The following CANX variants were observed in gnomAD, a reference collection of about 807,000 sequenced individuals.
The protein encoded by CANX is calnexin, also known as epididymis secretory sperm binding protein.
CANX carries 14 observed loss-of-function variants against 75.7 expected under a neutral mutation model. That is an observed-to-expected ratio of 0.19 (90% confidence interval 0.12 to 0.29). CANX has a LOEUF of 0.29. Ranked by LOEUF, CANX falls within the 10% of genes least tolerant of loss-of-function variation. The pLI, the probability that CANX is intolerant of heterozygous loss-of-function variation, is 1.00. For missense variants in CANX, 567 were observed against 713.2 expected (o/e 0.79, Z 2.34); for synonymous variants, 227 against 236.9 (o/e 0.96, Z 0.38).
chr5:179,698,895 C>T, upstream of CANX: 2 of 1,153,612 alleles, frequency 1.7e-6, no homozygotes, highest in South Asian at 1.6e-5. Context: ...GACTTGGCGC[C>T]GGCTGTGGCT....
chr5:179,720,389 T>G lies in CANX; in HGVS notation c.1026-15T>G, dbSNP rs1180671423. 6.2e-7 allele frequency: 1 copy of G among 1,612,130 alleles called. No homozygotes were observed. Among genetic ancestry groups the G allele is most frequent in the Non-Finnish European group, 8.5e-7 (1 of 1,178,334 alleles). On this transcript the variant is annotated splice_polypyrimidine_tract_variant and intron_variant, in intron 9 of 14. Transcript: ENST00000247461. ...CACAGAACCTGTTTATAATTTGTTG[T>G]TTGTACCTCCGTAGGGATGAAGACA...
Position 179,730,081 on chromosome 5 carries a change from GTAA to G in CANX, c.*1442_*1444del, listed in dbSNP as rs779001986. The G allele has an allele frequency of 2.0e-5, 3 of 152,532 alleles. No homozygotes were observed. The highest frequency in any genetic ancestry group is 1.3e-4 in the Admixed American group (2 of 15,266). The allele number at this position is 152,532 out of a possible 1,614,324, so 9.4% of individuals were successfully genotyped here. A position where few individuals can be genotyped will look rare whatever the true frequency, so the allele number is the denominator to read the frequency against. On this transcript the variant is annotated 3_prime_UTR_variant, in exon 15 of 15. Coordinates refer to ENST00000247461, the MANE Select transcript of CANX (RefSeq NM_001746.4). ...AGAGCCTCTCCCACACCACTATAGT[GTAA>G]TAATGTTATTATTACTCTACACTGA...
At chr5:179,724,474 C>A (rs963134859) in intron 12 of CANX, among the ~76,000 whole-genome samples, 183 bp from the exon 13 acceptor site, 7 of 152,176 alleles carry the variant, frequency 4.6e-5, no homozygotes, top group African/African-American at 1.7e-4. Flanking sequence ...TTGAAACACA[C>A]AAGCACATGT....
intron 8 of CANX, among the ~76,000 whole-genome samples, chr5:179,717,058 G>A (rs1778004536): frequency 6.6e-6 from 1 of 152,180 alleles, no homozygotes; most frequent in African/African-American, 2.4e-5. Context: ...AGCTGGGGCT[G>A]TATTCTTGTA....
rs757104413 is a variant in CANX at position 179,686,102 on chromosome 5, CT to C, written c.-4+7339del. ...ATTTTGATGAAGTGGTTGTTCAAGT[CT>C]TTTTTTTTTTTTTGAGACGGAGTCT... On this transcript the variant is annotated intron_variant, in intron 1 of 14. Transcript: ENST00000681674. Among the ~76,000 whole-genome samples, 851 of 128,488 alleles carry C rather than the reference CT, an allele frequency of 6.6e-3. 15 individuals are homozygous for C. Among genetic ancestry groups the C allele is most frequent in the Non-Finnish European group, 0.01 (637 of 61,382 alleles). 84.3% of individuals were successfully genotyped at this position (128,488 alleles called of 152,430 possible). A position where few individuals can be genotyped will look rare whatever the true frequency, so the allele number is the denominator to read the frequency against.
At chr5:179,678,680 G>C (rs1419261221) in exon 1 of CANX, 34 of 1,535,936 alleles carry the variant, frequency 2.2e-5, no homozygotes, top group Non-Finnish European at 3.0e-5. Context: ...CGCCGCAGCC[G>C]TCGGGATCAC....
At position 179,726,716 on chromosome 5, in the gene CANX, G is replaced by C; in HGVS notation, c.1682G>C (p.Gly561Ala). ...AAAAGTGATGCTGAAGAAGATGGTG[G>C]CACTGTCAGTCAAGAGGAGGAAGAC... is the stretch of plus-strand genomic sequence containing the variant. ...KQKSDAEEDG[G>A]TVSQEEEDRK... Residue 561 changes from glycine (G) to alanine (A), a missense_variant, in exon 14 of 15, where the codon GGC becomes GCC. Gly to Ala is a moderately conservative substitution (Grantham distance 60, BLOSUM62 0). This residue lies in a region of CANX where 167 missense variants were observed against 179.3 expected (regional missense o/e 0.93). Coordinates refer to ENST00000247461, the MANE Select transcript of CANX (RefSeq NM_001746.4). 6.2e-7 allele frequency: 1 copy of C among 1,613,676 alleles called. No individual in the cohort carries two copies. The highest frequency in any genetic ancestry group is 8.5e-7 in the Non-Finnish European group (1 of 1,179,600).
intron 1 of CANX, 35 bp downstream of exon 1, chr5:179,699,137 G>A (rs1223446801): frequency 3.0e-6 from 3 of 1,004,670 alleles, no homozygotes; most frequent in Non-Finnish European, 3.6e-6. Flanking sequence ...CCTCGGGCCT[G>A]TGAGGACCTC....
chr5:179,724,543 G>A (rs1435113227), intron 12 of CANX, 114 bp from the exon 13 acceptor site: 10 of 796,756 alleles, frequency 1.3e-5, no homozygotes, highest in African/African-American at 3.5e-5. Context: ...ATTCGTTTCT[G>A]TATATCTATC....
At chr5:179,693,354 A>ACATGGC (rs1554141875) in intron 1 of CANX, among the ~76,000 whole-genome samples, 2 of 144,444 alleles carry the variant, frequency 1.4e-5, no homozygotes, top group Non-Finnish European at 3.1e-5. Flanking sequence ...AGCCTGGGCA[A>ACATGGC]GAAAGTGAGA....
rs374816854 is a variant in CANX, at chr5:179,680,948, C to T, written c.-4+2171C>T. On this transcript the variant is annotated intron_variant, in intron 1 of 14. Transcript: ENST00000681674. ...GCCCACCCTTGAGATTGTATCTTCT[C>T]GGAGGATGTTTCCCCGTTAGTCCTC... The T allele has an allele frequency of 8.4e-5, 128 of 1,531,874 alleles. No individual in the cohort carries two copies. The East Asian group carries it at 1.0e-3, about 12-fold the overall frequency. The allele number at this position is 1,531,874 out of a possible 1,614,324, so 94.9% of individuals were successfully genotyped here. A position where few individuals can be genotyped will look rare whatever the true frequency, so the allele number is the denominator to read the frequency against.
upstream of CANX, among the ~76,000 whole-genome samples, chr5:179,695,378 G>A (rs906533810): frequency 4.6e-5 from 7 of 151,990 alleles, no homozygotes; most frequent in Non-Finnish European, 1.0e-4. Flanking sequence ...TGCCCAGGCT[G>A]GAGTGCAATG....
chr5:179,682,898 G>A (rs2113027408), intron 1 of CANX, among the ~76,000 whole-genome samples: 1 of 152,202 alleles, frequency 6.6e-6, no homozygotes, highest in East Asian at 1.9e-4. Flanking sequence ...GAAGACCTGG[G>A]GGTAGAGGAG....
chr5:179,679,331 G>A, intron 1 of CANX: 1 of 1,324,570 alleles, frequency 7.5e-7, no homozygotes, highest in Non-Finnish European at 1.0e-6. Flanking sequence ...CGCGAGGCCG[G>A]CGGACATGTC....
At chr5:179,678,682 C>T (rs927808035) in exon 1 of CANX, 13 of 1,536,136 alleles carry the variant, frequency 8.5e-6, no homozygotes, top group Non-Finnish European at 1.0e-5. Flanking sequence ...CCGCAGCCGT[C>T]GGGATCACCT....
chr5:179,705,266 AG>A (rs1253215139), intron 1 of CANX, among the ~76,000 whole-genome samples: 2 of 152,242 alleles, frequency 1.3e-5, no homozygotes, highest in African/African-American at 4.8e-5. Context: ...TACAGGCGTG[AG>A]CCACGGCGCC....
chr5:179,682,580 TATGCCTGTAATCCTA>T (rs1776095320), intron 1 of CANX, among the ~76,000 whole-genome samples: 1 of 151,226 alleles, frequency 6.6e-6, no homozygotes, highest in South Asian at 2.1e-4. Flanking sequence ...CATGGTGGTG[TATGCCTGTAATCCTA>T]GCTACTTGGG....
At chr5:179,680,961 C>T (rs1776048226) in intron 1 of CANX, 1 of 1,493,696 alleles carries the variant, frequency 6.7e-7, no homozygotes, top group Non-Finnish European at 9.0e-7. Context: ...AGGATGTTTC[C>T]CCGTTAGTCC....
rs1454630624 is a variant in CANX at position 179,731,048 on chromosome 5, A to G, written c.*2404A>G. 2 of 152,232 alleles carry G rather than the reference A, an allele frequency of 1.3e-5. No homozygotes were observed. Among genetic ancestry groups the G allele is most frequent in the Non-Finnish European group, 2.9e-5 (2 of 68,032 alleles). The allele number at this position is 152,232 out of a possible 1,614,324, so 9.4% of individuals were successfully genotyped here. On this transcript the variant is annotated 3_prime_UTR_variant, in exon 15 of 15. Transcript: ENST00000247461. ...AGTTCACTACTAGGCAGAAACTATT[A>G]TGGACAGTGAAATAATGACTTTTAT...
Sources: allele counts gnomAD v4.1 joint callset (sites outside exome capture counted in the v4.1 genomes callset), GRCh38; gene constraint gnomAD v4.1.1; regional missense constraint gnomAD v4.1.1; transcripts MANE v1.5; gene names NCBI Gene and HGNC (gene_info 2026-07-23, HGNC 2026-07-21).